Variants in ADAMTS16 observed in about 807,000 individuals in gnomAD.
ADAMTS16 encodes A disintegrin and metalloproteinase with thrombospondin motifs 16.
In ADAMTS16, 94 loss-of-function variants were observed where a neutral mutation model predicts 145.8. That is an observed-to-expected ratio of 0.64 (90% CI 0.55 to 0.77). ADAMTS16 has a LOEUF of 0.77. ADAMTS16 is among the 30% of genes least tolerant of loss of function. ADAMTS16 has a pLI of 0.00. For synonymous variants in ADAMTS16, 659 were observed against 604.3 expected, an observed-to-expected ratio of 1.09 and a Z score of -1.33; for missense variants, 1,585 against 1,591.5, an observed-to-expected ratio of 1.00 and a Z score of 0.07.
rs191897518 is a variant in ADAMTS16, at chr5:5,163,320, G to T, written c.501+16865G>T. Among the ~76,000 whole-genome samples the T allele has an allele frequency of 2.0e-5, 3 of 152,218 alleles. No homozygotes were observed. The South Asian group carries it at 6.2e-4, about 32-fold the overall frequency. On this transcript the variant is annotated intron_variant, in intron 3 of 22. Coordinates refer to ENST00000274181, the MANE Select transcript of ADAMTS16 (RefSeq NM_139056.4). ...CATAAATAACTTCACTGCCTGCTTT[G>T]GTTTGGCTGTGTCCCCACCCAAGTC... is the stretch of plus-strand genomic sequence containing the variant.
At chr5:5,141,888 T>C (rs1734178155) in intron 2 of ADAMTS16, among the ~76,000 whole-genome samples, 1 of 118,696 alleles carries the variant, frequency 8.4e-6, no homozygotes, top group Non-Finnish European at 1.7e-5. Context: ...TGATATAAAA[T>C]GTTAAAAAAA....
At position 5,140,679 on chromosome 5, in the gene ADAMTS16, A is replaced by T. The variant is rs747529677; in HGVS notation, c.88A>T (p.Met30Leu). Residue 30 changes from methionine to leucine, a missense_variant, in exon 2 of 23, where the codon ATG becomes TTG. Met to Leu is a conservative substitution (Grantham distance 15). Around this residue, in one of 3 missense-constraint regions of ADAMTS16, gnomAD observed 453 missense variants for 412.1 expected, o/e 1.10. Coordinates refer to ENST00000274181, the MANE Select transcript of ADAMTS16 (RefSeq NM_139056.4). ...TTTTCCGCAGGCACCTGCGTGCGCC[A>T]TGGGACCCGCAGCGGCAGCGCCTGG... ...QVAEQAPACAMGPAAAAPGSP... is the reference protein window; with the variant it reads ...QVAEQAPACALGPAAAAPGSP... The T allele has an allele frequency of 4.5e-6, 7 of 1,558,780 alleles. No homozygotes were observed. Among genetic ancestry groups the T allele is most frequent in the Non-Finnish European group, 1.7e-6 (2 of 1,155,164 alleles).
chr5:5,158,488 A>G (rs969446317), intron 3 of ADAMTS16, among the ~76,000 whole-genome samples: 3 of 145,060 alleles, frequency 2.1e-5, no homozygotes, highest in African/African-American at 7.4e-5. Flanking sequence ...TGCATTTGGG[A>G]AGCATACACT....
chr5:5,174,945 G>T (rs1735147452), intron 3 of ADAMTS16, among the ~76,000 whole-genome samples: 2 of 152,170 alleles, frequency 1.3e-5, no homozygotes. Flanking sequence ...GCTCCTCTCT[G>T]ACCCAGGGCT....
chr5:5,239,209 G>T lies in ADAMTS16; in HGVS notation c.2213G>T (p.Cys738Phe). The change falls in exon 15 of 23, where the codon TGT becomes TTT. Residue 738 changes from cysteine to phenylalanine, a missense_variant. Cys to Phe is a radical substitution (Grantham distance 205). Around this residue, in one of 3 missense-constraint regions of ADAMTS16, gnomAD observed 834 missense variants for 811.7 expected, o/e 1.03. Coordinates refer to ENST00000274181, the MANE Select transcript of ADAMTS16 (RefSeq NM_139056.4). ...GCTGTTGAAGACGTCTGTGGGGTGT[G>T]TAACGGGAATAACTCAGCCTGCACG... ...SDAVEDVCGV[C>F]NGNNSACTIH... 6.2e-7 allele frequency: 1 copy of T among 1,603,916 alleles called. No individual in the cohort carries two copies. Among genetic ancestry groups the T allele is most frequent in the Non-Finnish European group, 8.5e-7 (1 of 1,175,758 alleles).
intron 17 of ADAMTS16, among the ~76,000 whole-genome samples, chr5:5,256,187 A>T (rs780787152): frequency 2.0e-5 from 3 of 152,216 alleles, no homozygotes; most frequent in Non-Finnish European, 4.4e-5. Flanking sequence ...CCCTCATAAG[A>T]AGCATTTGGA....
chr5:5,175,446 G>A (rs1307371141), intron 3 of ADAMTS16, among the ~76,000 whole-genome samples: 1 of 152,256 alleles, frequency 6.6e-6, no homozygotes, highest in African/African-American at 2.4e-5. Flanking sequence ...CTGTCTCAGA[G>A]TGGCAAGCTG....
chr5:5,257,024 T>C (rs1004128447), intron 17 of ADAMTS16, among the ~76,000 whole-genome samples: 1 of 152,142 alleles, frequency 6.6e-6, no homozygotes, highest in Non-Finnish European at 1.5e-5. Context: ...CTTAAGGAAG[T>C]CCGTAAGATT....
At chr5:5,172,771 C>A (rs922304685) in intron 3 of ADAMTS16, among the ~76,000 whole-genome samples, 1 of 152,106 alleles carries the variant, frequency 6.6e-6, no homozygotes, top group Non-Finnish European at 1.5e-5. Context: ...GTCTATAATG[C>A]AGATTAATTC....
At chr5:5,224,619 G>A (rs1736705090) in intron 11 of ADAMTS16, among the ~76,000 whole-genome samples, 2 of 152,200 alleles carry the variant, frequency 1.3e-5, no homozygotes, top group South Asian at 2.1e-4. Flanking sequence ...AAGAAAATGA[G>A]TATAATGAGA....
At chr5:5,271,399 T>TCCGCTCCTC (rs911945785) in intron 18 of ADAMTS16, among the ~76,000 whole-genome samples, 1 of 152,310 alleles carries the variant, frequency 6.6e-6, no homozygotes, top group Non-Finnish European at 1.5e-5. Context: ...TCCCGCTCCT[T>TCCGCTCCTC]CCGCTCCTCC....
chr5:5,292,735 G>C (rs1243945473), intron 18 of ADAMTS16, among the ~76,000 whole-genome samples: 1 of 151,940 alleles, frequency 6.6e-6, no homozygotes, highest in Admixed American at 6.6e-5. Flanking sequence ...CACACTGAAG[G>C]CCTCCTTGCC....
chr5:5,312,204 G>T (rs941915882), intron 21 of ADAMTS16, among the ~76,000 whole-genome samples: 1 of 152,086 alleles, frequency 6.6e-6, no homozygotes, highest in Non-Finnish European at 1.5e-5. Flanking sequence ...CTCCACCTCT[G>T]CTTCCTGTTT....
rs1422311702 is a variant in ADAMTS16, at chr5:5,319,635, G to A, written c.*497G>A. 5 of 343,156 alleles carry A rather than the reference G, an allele frequency of 1.5e-5. No individual in the cohort carries two copies. The highest frequency in any genetic ancestry group is 2.8e-5 in the Non-Finnish European group (5 of 178,098). The allele number at this position is 343,156 out of a possible 1,614,324, so 21.3% of individuals were successfully genotyped here. A position where few individuals can be genotyped will look rare whatever the true frequency, so the allele number is the denominator to read the frequency against. On this transcript the variant is annotated 3_prime_UTR_variant, in exon 23 of 23. Coordinates refer to ENST00000274181, the MANE Select transcript of ADAMTS16 (RefSeq NM_139056.4). ...GACCAACTTCCTGGGTGGAGGTCAG[G>A]GGAGCTCCAGGAGGCTGCCCAGGCT...
At chr5:5,285,638 T>C (rs188916785) in intron 18 of ADAMTS16, among the ~76,000 whole-genome samples, 20 of 152,356 alleles carry the variant, frequency 1.3e-4, no homozygotes, top group Admixed American at 1.2e-3. Flanking sequence ...ATTAGTATTA[T>C]AGGAACTCTG....
intron 17 of ADAMTS16, among the ~76,000 whole-genome samples, chr5:5,261,580 T>C (rs1738030027): frequency 6.7e-6 from 1 of 149,770 alleles, no homozygotes; most frequent in South Asian, 2.2e-4. Flanking sequence ...TCCAACTACC[T>C]GGTTCCAGCG....
chr5:5,200,468 A>G (rs886261271), intron 9 of ADAMTS16, among the ~76,000 whole-genome samples, 199 bp downstream of exon 9: 1 of 152,230 alleles, frequency 6.6e-6, no homozygotes, highest in African/African-American at 2.4e-5. Context: ...TTAATCTGAC[A>G]TTGATTCAAA....
At chr5:5,291,894 A>G (rs1042957035) in intron 18 of ADAMTS16, among the ~76,000 whole-genome samples, 4 of 152,242 alleles carry the variant, frequency 2.6e-5, no homozygotes, top group Non-Finnish European at 5.9e-5. Context: ...TATTTAGGAA[A>G]TAACATAGCT....
rs1244847709 is a variant in ADAMTS16 at position 5,159,946 on chromosome 5, T to C, written c.501+13491T>C. Among the ~76,000 whole-genome samples the C allele has an allele frequency of 3.9e-5, 6 of 152,350 alleles. No individual in the cohort carries two copies. The South Asian group carries it at 6.2e-4, about 16-fold the overall frequency. ...TCAAAGGAGCCATAAACCTTGTTTT[T>C]ATTTGCAGAGATGACCTAACTGAAG... On this transcript the variant is annotated intron_variant, in intron 3 of 22. Coordinates refer to ENST00000274181, the MANE Select transcript of ADAMTS16 (RefSeq NM_139056.4).
Sources: allele counts gnomAD v4.1 joint callset (sites outside exome capture counted in the v4.1 genomes callset), GRCh38; gene constraint gnomAD v4.1.1; regional missense constraint gnomAD v4.1.1; transcripts MANE v1.5; gene names NCBI Gene and HGNC (gene_info 2026-07-23, HGNC 2026-07-21).